Variants in SEC24B observed in about 807,000 individuals in gnomAD.
The protein encoded by SEC24B is protein transport protein Sec24B.
A neutral mutation model predicts 142.8 loss-of-function variants in SEC24B; 45 were observed. The ratio of observed to expected loss-of-function variants is 0.32; its 90% CI spans 0.25 to 0.40. The LOEUF (loss-of-function observed/expected upper bound fraction) is 0.40, where lower values mean the gene tolerates loss of function less well. SEC24B is among the 10% of genes least tolerant of loss of function. The probability of loss-of-function intolerance (pLI) is 1.00; values close to 1 mark genes in which losing one functional copy is unlikely to be tolerated. For missense variants in SEC24B, 1,409 were observed against 1,526.8 expected (o/e 0.92, Z 1.29); for synonymous variants, 574 against 568.2 (o/e 1.01, Z -0.15).
chr4:109,462,994 G>C lies in SEC24B; in HGVS notation c.227G>C (p.Gly76Ala). 2 of 1,613,948 alleles carry C rather than the reference G, an allele frequency of 1.2e-6. No homozygotes were observed. Among genetic ancestry groups the C allele is most frequent in the Non-Finnish European group, 1.7e-6 (2 of 1,179,962 alleles). Residue 76 changes from glycine to alanine, a missense_variant, in exon 2 of 24, where the codon GGG (glycine) becomes GCG (alanine). Transcript: ENST00000265175. ...TCAGGACATTACTCTCAAGGACCTG[G>C]GAAAATGACCTCATTGCCATTGGAT... is the stretch of plus-strand genomic sequence containing the variant. The part of the protein sequence containing the change: ...APSGHYSQGP[G>A]KMTSLPLDTQ...
Position 109,463,271 on chromosome 4 carries a change from C to G in SEC24B, c.504C>G (p.Ser168Arg). ...HYNSPAMYSA[S>R]SSVASQGFPS... ...ATAGTCCAGCCATGTACTCTGCCAG[C>G]TCTTCTGTTGCGTCTCAGGGATTTC... is the stretch of plus-strand genomic sequence containing the variant. The change falls in exon 2 of 24, where the codon AGC (serine) becomes AGG (arginine). Residue 168 changes from serine to arginine, a missense_variant. This residue lies in a region of SEC24B where 709 missense variants were observed against 673.5 expected (regional missense o/e 1.05). Coordinates refer to ENST00000265175, the MANE Select transcript of SEC24B (RefSeq NM_006323.5). 1 of 1,614,184 alleles carries G rather than the reference C, an allele frequency of 6.2e-7. No individual in the cohort carries two copies. The highest frequency in any genetic ancestry group is 8.5e-7 in the Non-Finnish European group (1 of 1,180,030).
intron 1 of SEC24B, among the ~76,000 whole-genome samples, chr4:109,435,286 A>T (rs888846289): frequency 6.6e-6 from 1 of 152,240 alleles, no homozygotes; most frequent in Admixed American, 6.5e-5. Context: ...GTCATTGTTT[A>T]CTATAATCGC....
intron 5 of SEC24B, among the ~76,000 whole-genome samples, chr4:109,493,312 GT>G (rs1735206145): frequency 6.6e-6 from 1 of 152,000 alleles, no homozygotes; most frequent in African/African-American, 2.4e-5. Context: ...TCAGTTAAAT[GT>G]TTCTAAGAAT....
Position 109,481,698 on chromosome 4 carries a change from TTAA to T in SEC24B, c.1086_1088del (p.Asn363del). On this transcript the variant is annotated inframe_deletion, in exon 4 of 24. Transcript: ENST00000265175. Reference sequence around the variant, plus strand: ...ACAGGCGTGCAGTATGGTGAATATGTTAATAACCAAGCTAGCTCCGCACCAACT... The same window carrying T: ...ACAGGCGTGCAGTATGGTGAATATGTTAACCAAGCTAGCTCCGCACCAACT... 1 of 1,613,364 alleles carries T rather than the reference TTAA, an allele frequency of 6.2e-7. No homozygotes were observed. The highest frequency in any genetic ancestry group is 8.5e-7 in the Non-Finnish European group (1 of 1,179,458).
intron 11 of SEC24B, among the ~76,000 whole-genome samples, chr4:109,520,133 C>T (rs1411463934): frequency 6.6e-6 from 1 of 151,910 alleles, no homozygotes; most frequent in Admixed American, 6.6e-5. Context: ...GTCATTCTGC[C>T]CTTAAAATGC....
At position 109,467,313 on chromosome 4, in the gene SEC24B, G is replaced by T. The variant is rs1732031893; in HGVS notation, c.877+3669G>T. On this transcript the variant is annotated intron_variant, in intron 2 of 23. Transcript: ENST00000265175. Reference sequence around the variant, plus strand: ...TGCACTCCAGCCTGGGCGACAGAGCGAGACTCCGTCTCAAAAAAAAAAAAA... The same window carrying T: ...TGCACTCCAGCCTGGGCGACAGAGCTAGACTCCGTCTCAAAAAAAAAAAAA... Among the ~76,000 whole-genome samples, 5 of 138,106 alleles carry T rather than the reference G, an allele frequency of 3.6e-5. No homozygotes were observed. The South Asian group carries it at 1.2e-3, about 32-fold the overall frequency. 90.6% of individuals were successfully genotyped at this position (138,106 alleles called of 152,430 possible). A position where few individuals can be genotyped will look rare whatever the true frequency, so the allele number is the denominator to read the frequency against.
chr4:109,468,497 A>G (rs1442948524), intron 2 of SEC24B, among the ~76,000 whole-genome samples: 1 of 152,242 alleles, frequency 6.6e-6, no homozygotes, highest in African/African-American at 2.4e-5. Flanking sequence ...TAATGAAAGA[A>G]AAACATACTC....
rs1191990824 is a variant in SEC24B at position 109,521,406 on chromosome 4, C to T, written c.2302-14C>T. ...CCTTCTCAGTAATTCAATTTTTGAT[C>T]TTTGTTTTCTCAGCTTATAAAAGAC... On this transcript the variant is annotated splice_polypyrimidine_tract_variant and intron_variant, in intron 13 of 23. Coordinates refer to ENST00000265175, the MANE Select transcript of SEC24B (RefSeq NM_006323.5). The T allele has an allele frequency of 4.4e-6, 7 of 1,602,106 alleles. 1 individual carries two copies. Among genetic ancestry groups the T allele is most frequent in the South Asian group, 2.2e-5 (2 of 90,734 alleles).
chr4:109,446,648 T>C (rs1208101298), intron 1 of SEC24B, among the ~76,000 whole-genome samples: 1 of 152,212 alleles, frequency 6.6e-6, no homozygotes, highest in Non-Finnish European at 1.5e-5. Flanking sequence ...AAAACACTTT[T>C]CTTATACGTG....
intron 18 of SEC24B, 133 bp downstream of exon 18, chr4:109,527,565 G>C (rs1158712491): frequency 1.8e-5 from 11 of 621,474 alleles, no homozygotes; most frequent in Admixed American, 2.9e-5. Flanking sequence ...GAGGTCAGGA[G>C]TTTGAGACCA....
At chr4:109,436,434 T>C (rs1194828966) in intron 1 of SEC24B, among the ~76,000 whole-genome samples, 1 of 152,198 alleles carries the variant, frequency 6.6e-6, no homozygotes, top group Non-Finnish European at 1.5e-5. Flanking sequence ...GTCAGAAATA[T>C]GAGCATAAAA....
At chr4:109,463,724 A>C in intron 2 of SEC24B, 80 bp downstream of exon 2, 1 of 1,522,754 alleles carries the variant, frequency 6.6e-7, no homozygotes. Flanking sequence ...CATGAAGGTT[A>C]GAGGTGATAT....
At chr4:109,528,667 TTATATG>T (rs1724541012) in intron 18 of SEC24B, among the ~76,000 whole-genome samples, 1 of 152,154 alleles carries the variant, frequency 6.6e-6, no homozygotes, top group Non-Finnish European at 1.5e-5. Context: ...CTTAAACTAA[TTATATG>T]TAAGTCTAAA....
At chr4:109,513,937 G>A (rs1737656068) in intron 10 of SEC24B, 81 bp downstream of exon 10, 5 of 906,524 alleles carry the variant, frequency 5.5e-6, no homozygotes, top group African/African-American at 1.7e-5. Context: ...AACTCTTATC[G>A]AGATTTTGAA....
chr4:109,499,776 A>G (rs1319120584), intron 6 of SEC24B, among the ~76,000 whole-genome samples: 2 of 152,228 alleles, frequency 1.3e-5, no homozygotes, highest in African/African-American at 4.8e-5. Context: ...AGTACATAAT[A>G]CTTGATAATG....
intron 1 of SEC24B, among the ~76,000 whole-genome samples, chr4:109,444,089 G>C (rs1452113972): frequency 6.6e-6 from 1 of 151,982 alleles, no homozygotes; most frequent in Admixed American, 6.6e-5. Context: ...GGGTGTAGTG[G>C]CGAGTGCATG....
At chr4:109,445,029 T>A (rs568126127) in intron 1 of SEC24B, among the ~76,000 whole-genome samples, 28 of 152,010 alleles carry the variant, frequency 1.8e-4, no homozygotes, top group Non-Finnish European at 3.2e-4. Context: ...GGTCAGGTGA[T>A]CCTCCCACCT....
rs1170597998 is a variant in SEC24B at position 109,521,046 on chromosome 4, G to T, written c.2246-71G>T. On this transcript the variant is annotated intron_variant, in intron 12 of 23. Transcript: ENST00000265175. Reference sequence around the variant, plus strand: ...ATAGTACACATTACATGTATGACCTGATAAAAACTAAGATTTTCTAATGTA... The same window carrying T: ...ATAGTACACATTACATGTATGACCTTATAAAAACTAAGATTTTCTAATGTA... 4.1e-6 allele frequency: 4 copies of T among 981,906 alleles called. No individual in the cohort carries two copies. In the African/African-American group the frequency reaches 6.5e-5, roughly 16 times the overall value. 60.8% of individuals were successfully genotyped at this position (981,906 alleles called of 1,614,324 possible). A position where few individuals can be genotyped will look rare whatever the true frequency, so the allele number is the denominator to read the frequency against.
chr4:109,526,954 C>G (rs955609476), intron 17 of SEC24B, among the ~76,000 whole-genome samples: 1 of 152,112 alleles, frequency 6.6e-6, no homozygotes, highest in Non-Finnish European at 1.5e-5. Flanking sequence ...GGCGGTGGCT[C>G]ACGCCTGTAA....
Sources: allele counts gnomAD v4.1 joint callset (sites outside exome capture counted in the v4.1 genomes callset), GRCh38; gene constraint gnomAD v4.1.1; regional missense constraint gnomAD v4.1.1; transcripts MANE v1.5; gene names NCBI Gene and HGNC (gene_info 2026-07-23, HGNC 2026-07-21).